The following NHS variants were observed in gnomAD, a reference collection of about 807,000 sequenced individuals.
The protein encoded by NHS is NHS actin remodeling regulator, also known as actin remodeling regulator NHS.
NHS carries 5 observed loss-of-function variants against 72.5 expected under a neutral mutation model. That is an observed-to-expected ratio of 0.07 (90% CI 0.04 to 0.14). The LOEUF (loss-of-function observed/expected upper bound fraction) is 0.14. Among genes scored for constraint, NHS ranks in the 10% least tolerant of loss-of-function variants. The probability of loss-of-function intolerance (pLI) is 1.00; values close to 1 mark genes in which losing one functional copy is unlikely to be tolerated. For missense variants in NHS, 1,072 were observed against 1,355.7 expected, an observed-to-expected ratio of 0.79 and a Z score of 3.29; for synonymous variants, 464 against 547.7, an observed-to-expected ratio of 0.85 and a Z score of 2.13.
intron 1 of NHS, among the ~76,000 whole-genome samples, chrX:17,481,535 T>C: frequency 8.9e-6 from 1 of 112,076 alleles, no homozygotes; most frequent in East Asian, 2.8e-4. Context: ...TATTTGAACT[T>C]TCTGTCTTGT....
intron 1 of NHS, among the ~76,000 whole-genome samples, chrX:17,628,622 T>C (rs1249681794): frequency 8.9e-6 from 1 of 112,841 alleles, no homozygotes; most frequent in Non-Finnish European, 1.9e-5. Context: ...TTTACTAGGA[T>C]TGGAATGTGA....
intron 1 of NHS, among the ~76,000 whole-genome samples, chrX:17,447,699 CAAAT>C (rs771173848): frequency 9.3e-5 from 10 of 107,750 alleles, no homozygotes; most frequent in African/African-American, 2.7e-4. Flanking sequence ...ACTTTGAAAA[CAAAT>C]AGACACAGTA....
chrX:17,709,401 A>T (rs952423848), intron 3 of NHS, among the ~76,000 whole-genome samples: 1 of 111,489 alleles, frequency 9.0e-6, no homozygotes, highest in Non-Finnish European at 1.9e-5. Context: ...ACGCTGGTTC[A>T]TATTGTCCTG....
intron 1 of NHS, among the ~76,000 whole-genome samples, chrX:17,580,895 G>A (rs2065540235): frequency 8.9e-6 from 1 of 112,533 alleles, no homozygotes; most frequent in African/African-American, 3.2e-5. Context: ...TCTGATTGAA[G>A]TCCAGTTGAA....
chrX:17,471,699 TC>T (rs1195778993), intron 1 of NHS, among the ~76,000 whole-genome samples: 1 of 112,306 alleles, frequency 8.9e-6, no homozygotes, highest in Non-Finnish European at 1.9e-5. Context: ...ATTTTGGGAC[TC>T]TTTTTTCCAG....
intron 1 of NHS, among the ~76,000 whole-genome samples, chrX:17,488,313 C>G (rs866919138): frequency 1.5e-4 from 17 of 111,905 alleles, no homozygotes; most frequent in South Asian, 3.8e-4. Flanking sequence ...TTACAGCTCC[C>G]TTTCCCCCAT....
At chrX:17,531,179 C>G (rs2065196571) in intron 1 of NHS, among the ~76,000 whole-genome samples, 1 of 108,277 alleles carries the variant, frequency 9.2e-6, no homozygotes, top group Admixed American at 9.8e-5. Flanking sequence ...CCAGTACCTC[C>G]CCCTTATAAA....
intron 1 of NHS, among the ~76,000 whole-genome samples, chrX:17,498,751 A>G (rs2065024646): frequency 9.0e-6 from 1 of 111,239 alleles, no homozygotes; most frequent in Non-Finnish European, 1.9e-5. Flanking sequence ...AGAAACAACA[A>G]AGAGATCCTA....
chrX:17,384,085 T>C (rs2064393530), intron 1 of NHS, among the ~76,000 whole-genome samples: 1 of 112,014 alleles, frequency 8.9e-6, no homozygotes, highest in Non-Finnish European at 1.9e-5. Flanking sequence ...AACCAGGAGG[T>C]AATACATTGG....
rs779813391 is a variant in NHS at position 17,732,221 on chromosome X, G to A, written c.4713G>A (p.Glu1571=). ...CCCATCAGGGGTCACAAGGGGCTGAGGCATTGTCCCCACTCTCTCCATGCT... is the reference window on the plus strand; with the variant it reads ...CCCATCAGGGGTCACAAGGGGCTGAAGCATTGTCCCCACTCTCTCCATGCT... ...DDAHQGSQGA[E]ALSPLSPCSP... Residue 1571 remains glutamate, a synonymous_variant, in exon 9 of 9, where the codon GAG becomes GAA. Coordinates refer to ENST00000676302, the MANE Select transcript of NHS (RefSeq NM_001291867.2). The A allele has an allele frequency of 8.3e-7, 1 of 1,211,994 alleles. No individual in the cohort carries two copies. Among genetic ancestry groups the A allele is most frequent in the Non-Finnish European group, 1.1e-6 (1 of 895,572 alleles).
chrX:17,508,796 G>T lies in NHS; in HGVS notation c.565+132474G>T, dbSNP rs112965525. ...ATTTTTGTTTATCTATTCATCTGTTGATGTACTTTTGGGCTCCTTCTACCT... is the reference window on the plus strand; with the variant it reads ...ATTTTTGTTTATCTATTCATCTGTTTATGTACTTTTGGGCTCCTTCTACCT... On this transcript the variant is annotated intron_variant, in intron 1 of 8. Transcript: ENST00000676302. 5.8e-3 allele frequency among the ~76,000 whole-genome samples: 646 copies of T among 112,261 alleles called. 3 individuals carry two copies. Among genetic ancestry groups the T allele is most frequent in the African/African-American group, 0.02 (604 of 30,888 alleles).
Position 17,728,272 on chromosome X carries a change from C to G in NHS, c.4166C>G (p.Ser1389Cys). Residue 1389 changes from serine to cysteine, a missense_variant, in exon 7 of 9, where the codon TCT becomes TGT. Ser to Cys is a moderately radical substitution (Grantham distance 112). Transcript: ENST00000676302. Reference sequence around the variant, plus strand: ...TCAGGTATTTCAGCCAAAAGTGCCTCTGATAACAGCAAAGCAGAGGAGACC... The same window carrying G: ...TCAGGTATTTCAGCCAAAAGTGCCTGTGATAACAGCAAAGCAGAGGAGACC... Reference protein sequence around the residue: ...IASGISAKSASDNSKAEETQG... With the variant: ...IASGISAKSACDNSKAEETQG... 1 of 1,211,844 alleles carries G rather than the reference C, an allele frequency of 8.3e-7. No homozygotes were observed. The highest frequency in any genetic ancestry group is 1.1e-6 in the Non-Finnish European group (1 of 895,537).
At position 17,534,476 on chromosome X, in the gene NHS, T is replaced by C. The variant is rs1233551786; in HGVS notation, c.566-153266T>C. 5.4e-5 allele frequency among the ~76,000 whole-genome samples: 6 copies of C among 110,798 alleles called. No individual in the cohort carries two copies. In the East Asian group the frequency reaches 1.7e-3, roughly 32 times the overall value. ...TTGTGTTGCTGTAGCTTTCCTGTTTTGAAAGTTAGGGACAAGAGCTCAGAA... is the reference window on the plus strand; with the variant it reads ...TTGTGTTGCTGTAGCTTTCCTGTTTCGAAAGTTAGGGACAAGAGCTCAGAA... On this transcript the variant is annotated intron_variant, in intron 1 of 8. Transcript: ENST00000676302.
intron 1 of NHS, among the ~76,000 whole-genome samples, chrX:17,378,059 C>CGT (rs34807039): frequency 0.24 from 24,293 of 100,852 alleles, 2,362 homozygotes; most frequent in South Asian, 0.49. Flanking sequence ...ATACATTTCC[C>CGT]GTGTGTGTGT....
intron 1 of NHS, among the ~76,000 whole-genome samples, chrX:17,416,792 A>ATGTGTGTG (rs770265000): frequency 1.0e-5 from 1 of 95,713 alleles, no homozygotes; most frequent in African/African-American, 3.9e-5. Context: ...ATGTAGGAGT[A>ATGTGTGTG]TGTGTGTGTG....
chrX:17,561,682 C>T (rs752136613), intron 1 of NHS, among the ~76,000 whole-genome samples: 8 of 103,968 alleles, frequency 7.7e-5, no homozygotes, highest in African/African-American at 1.8e-4. Flanking sequence ...CTTGGAGAGC[C>T]GTCCACTGCT....
At chrX:17,522,536 A>T (rs1167080586) in intron 1 of NHS, among the ~76,000 whole-genome samples, 1 of 75,559 alleles carries the variant, frequency 1.3e-5, no homozygotes, top group Admixed American at 2.0e-4. Context: ...GAAGCAGCCC[A>T]GGGCCGTCTG....
chrX:17,530,711 G>A (rs1388356380), intron 1 of NHS, among the ~76,000 whole-genome samples: 1 of 112,179 alleles, frequency 8.9e-6, no homozygotes, highest in African/African-American at 3.2e-5. Context: ...AACACAGATT[G>A]CTCAGCCTTA....
At chrX:17,461,210 C>T (rs749196204) in intron 1 of NHS, among the ~76,000 whole-genome samples, 5 of 111,872 alleles carry the variant, frequency 4.5e-5, no homozygotes, top group Admixed American at 1.9e-4. Context: ...TAAATGCACA[C>T]GCCAGGTATC....
Sources: gnomAD v4.1 joint callset for allele counts (sites outside exome capture counted in the v4.1 genomes callset) on GRCh38, gnomAD v4.1.1 for gene constraint, MANE v1.5 for transcripts, NCBI Gene and HGNC (gene_info 2026-07-23, HGNC 2026-07-21) for gene names.